Variants in SAMTOR observed in about 807,000 individuals in gnomAD.
The protein encoded by SAMTOR is S-adenosylmethionine sensor upstream of mTORC1.
the SAMTOR span, among the ~76,000 whole-genome samples, chr7:112,902,524 A>AT: frequency 6.6e-6 from 1 of 151,804 alleles, no homozygotes; most frequent in Non-Finnish European, 1.5e-5. Context: ...AGGGCAGTTA[A>AT]ACTATTCTGT....
At chr7:112,883,522 A>T in the SAMTOR span, among the ~76,000 whole-genome samples, 1 of 152,268 alleles carries the variant, frequency 6.6e-6, no homozygotes, top group Non-Finnish European at 1.5e-5. Context: ...CAAGAAGCTT[A>T]AAGTCAAAAC....
chr7:112,820,361 G>A, the SAMTOR span: 1 of 152,246 alleles, frequency 6.6e-6, no homozygotes, highest in Admixed American at 6.6e-5. Context: ...GAAAATGCAA[G>A]TTTCCTTTAA....
chr7:112,880,441 CTG>C, the SAMTOR span, among the ~76,000 whole-genome samples: 3 of 152,046 alleles, frequency 2.0e-5, no homozygotes, highest in African/African-American at 7.2e-5. Context: ...AGGTAAGTAA[CTG>C]TAAAGAAGCA....
chr7:112,860,225 A>G, the SAMTOR span, among the ~76,000 whole-genome samples: 2 of 152,138 alleles, frequency 1.3e-5, no homozygotes, highest in Non-Finnish European at 2.9e-5. Context: ...TATACCATCT[A>G]GGTTTGTGAA....
At chr7:112,868,154 C>T in the SAMTOR span, among the ~76,000 whole-genome samples, 1 of 152,200 alleles carries the variant, frequency 6.6e-6, no homozygotes, top group Non-Finnish European at 1.5e-5. Context: ...GACTGCTGCT[C>T]AAGAACACCT....
chr7:112,880,060 C>G, the SAMTOR span, among the ~76,000 whole-genome samples: 1 of 152,126 alleles, frequency 6.6e-6, no homozygotes, highest in Non-Finnish European at 1.5e-5. Flanking sequence ...TGCTGTACCT[C>G]TGACTAAGGA....
chr7:112,837,238 G>T, the SAMTOR span, among the ~76,000 whole-genome samples: 4 of 151,964 alleles, frequency 2.6e-5, no homozygotes, highest in African/African-American at 9.7e-5. Context: ...CTCTCAGCTT[G>T]AATGTTCTTG....
chr7:112,909,488 C>T, the SAMTOR span, among the ~76,000 whole-genome samples: 2 of 152,074 alleles, frequency 1.3e-5, no homozygotes, highest in African/African-American at 2.4e-5. Flanking sequence ...TAAGTGAAAT[C>T]AACTGTATAG....
the SAMTOR span, among the ~76,000 whole-genome samples, chr7:112,898,092 G>T: frequency 1.3e-5 from 2 of 152,204 alleles, no homozygotes; most frequent in African/African-American, 4.8e-5. Context: ...ATCTACTGGT[G>T]CCCACAGGGG....
chr7:112,920,590 T>C, the SAMTOR span, among the ~76,000 whole-genome samples: 1 of 149,046 alleles, frequency 6.7e-6, no homozygotes. Flanking sequence ...GTGTTGGAAG[T>C]TCTGGCCAGG....
chr7:112,849,033 A>G, the SAMTOR span, among the ~76,000 whole-genome samples: 88 of 148,500 alleles, frequency 5.9e-4, no homozygotes, highest in Non-Finnish European at 7.1e-4. Context: ...TGGGTGACAG[A>G]GCAAGACTCC....
chr7:112,856,820 G>A, the SAMTOR span, among the ~76,000 whole-genome samples: 1 of 151,876 alleles, frequency 6.6e-6, no homozygotes, highest in African/African-American at 2.4e-5. Flanking sequence ...AAAGAAATGA[G>A]GAAAAATCAG....
chr7:112,868,312 C>T, the SAMTOR span, among the ~76,000 whole-genome samples: 1 of 152,100 alleles, frequency 6.6e-6, no homozygotes, highest in Non-Finnish European at 1.5e-5. Context: ...AACTTTAATT[C>T]AAGAAGGAAA....
At chr7:112,911,713 G>GA in the SAMTOR span, among the ~76,000 whole-genome samples, 1 of 151,426 alleles carries the variant, frequency 6.6e-6, no homozygotes, top group South Asian at 2.1e-4. Context: ...AACTTCAACA[G>GA]AAAAATTAAA....
chr7:112,885,287 T>C, the SAMTOR span, among the ~76,000 whole-genome samples: 2 of 152,206 alleles, frequency 1.3e-5, no homozygotes, highest in African/African-American at 4.8e-5. Flanking sequence ...CCCACTGTCT[T>C]GGTGATTCAC....
At chr7:112,906,834 T>C in the SAMTOR span, among the ~76,000 whole-genome samples, 2 of 152,298 alleles carry the variant, frequency 1.3e-5, no homozygotes, top group East Asian at 3.9e-4. Flanking sequence ...CCTCCCAAAG[T>C]GCTGGGATTA....
At chr7:112,864,502 C>G in the SAMTOR span, among the ~76,000 whole-genome samples, 1 of 152,230 alleles carries the variant, frequency 6.6e-6, no homozygotes, top group South Asian at 2.1e-4. Context: ...CATAACAGTA[C>G]AAAGATCTTT....
the SAMTOR span, among the ~76,000 whole-genome samples, chr7:112,865,355 G>A: frequency 1.3e-5 from 2 of 151,924 alleles, no homozygotes; most frequent in Non-Finnish European, 2.9e-5. Context: ...TCAGCTCACT[G>A]CAACCTCTGC....
At chr7:112,820,179 A>G in the SAMTOR span, 1 of 152,550 alleles carries the variant, frequency 6.6e-6, no homozygotes, top group South Asian at 2.1e-4. Flanking sequence ...TGTGAAATTT[A>G]ATTAGAAATA....
Sources: gnomAD v4.1 joint callset for allele counts (sites outside exome capture counted in the v4.1 genomes callset) on GRCh38, gnomAD v4.1.1 for gene constraint, MANE v1.5 for transcripts, NCBI Gene and HGNC (gene_info 2026-07-23, HGNC 2026-07-21) for gene names.